TAF12: variants seen among roughly 807,000 people sequenced by gnomAD.
TAF12 encodes TATA-box binding protein associated factor 12.
Under a neutral mutation model 20.8 loss-of-function variants are expected in TAF12, and 3 were observed. That is an observed-to-expected ratio of 0.14 (90% CI 0.07 to 0.37). TAF12 has a LOEUF of 0.37. Ranked by LOEUF, TAF12 falls within the 10% of genes least tolerant of loss-of-function variation. TAF12 has a pLI of 1.00. For synonymous variants in TAF12, 69 were observed against 70.2 expected (o/e 0.98, Z 0.09); for missense variants, 131 against 197.9 (o/e 0.66, Z 2.03).
chr1:28,610,477 A>T (rs997840387), intron 4 of TAF12, among the ~76,000 whole-genome samples: 1 of 151,664 alleles, frequency 6.6e-6, no homozygotes, highest in Non-Finnish European at 1.5e-5. Context: ...ATCTTTTTTA[A>T]ATCTTTTAAA....
chr1:28,611,401 G>A (rs186423919), intron 4 of TAF12, among the ~76,000 whole-genome samples: 1 of 152,226 alleles, frequency 6.6e-6, no homozygotes, highest in African/African-American at 2.4e-5. Flanking sequence ...ATATGTTGCG[G>A]TCTTAACCTT....
intron 3 of TAF12, among the ~76,000 whole-genome samples, chr1:28,616,149 C>A (rs1667034212): frequency 6.6e-6 from 1 of 152,108 alleles, no homozygotes; most frequent in Non-Finnish European, 1.5e-5. Flanking sequence ...ATAATCCCAG[C>A]ACTGTGGGAG....
intron 2 of TAF12, 38 bp from the exon 3 acceptor site, chr1:28,618,068 T>G: frequency 6.4e-7 from 1 of 1,570,494 alleles, no homozygotes; most frequent in Non-Finnish European, 8.7e-7. Flanking sequence ...AACCAGATAT[T>G]AAGGAAATGA....
intron 1 of TAF12, among the ~76,000 whole-genome samples, chr1:28,639,426 CAA>C (rs58772752): frequency 2.5e-4 from 22 of 89,434 alleles, no homozygotes; most frequent in Admixed American, 3.6e-4. Context: ...CTCCGTCTCA[CAA>C]AAAAAAAAAA....
intron 4 of TAF12, among the ~76,000 whole-genome samples, chr1:28,611,210 C>T (rs886441604): frequency 1.5e-5 from 2 of 134,322 alleles, no homozygotes; most frequent in Admixed American, 7.5e-5. Context: ...TATAGAGAGA[C>T]GGTGGGTGGG....
intron 1 of TAF12, among the ~76,000 whole-genome samples, chr1:28,633,414 C>T (rs373879405): frequency 3.6e-4 from 52 of 145,114 alleles, no homozygotes; most frequent in South Asian, 1.3e-3. Flanking sequence ...GTGATCCACC[C>T]GCCTCAGCCT....
intron 4 of TAF12, among the ~76,000 whole-genome samples, chr1:28,609,449 A>G (rs1315205829): frequency 6.6e-6 from 1 of 151,934 alleles, no homozygotes; most frequent in Non-Finnish European, 1.5e-5. Context: ...TCAAAGCAAC[A>G]TTGTGCAAAG....
intron 1 of TAF12, chr1:28,642,623 A>G (rs1312442270): frequency 1.0e-6 from 1 of 983,628 alleles, no homozygotes; most frequent in Non-Finnish European, 1.2e-6. Context: ...TCTGCCTCTT[A>G]GGAGCCCAAG....
intron 4 of TAF12, among the ~76,000 whole-genome samples, chr1:28,610,040 G>T (rs533852539): frequency 2.2e-4 from 33 of 151,838 alleles, no homozygotes; most frequent in South Asian, 8.3e-4. Context: ...GCAGTGGCAA[G>T]ATCTTGGCTC....
chr1:28,603,447 A>C lies in TAF12; in HGVS notation c.*92T>G. ...AAAAATATATGCTTCTCTGTAAAGC[A>C]TTAAAAAAAAAAATCCAAGGATGAG... is the stretch of plus-strand genomic sequence containing the variant. On this transcript the variant is annotated 3_prime_UTR_variant, in exon 6 of 6. Coordinates refer to ENST00000373824, the MANE Select transcript of TAF12 (RefSeq NM_005644.4). 2 of 1,345,038 alleles carry C rather than the reference A, an allele frequency of 1.5e-6. No individual in the cohort carries two copies. Among genetic ancestry groups the C allele is most frequent in the Non-Finnish European group, 2.1e-6 (2 of 942,680 alleles). The allele number at this position is 1,345,038 out of a possible 1,614,324, so 83.3% of individuals were successfully genotyped here.
At position 28,631,177 on chromosome 1, in the gene TAF12, A is replaced by T. The variant is rs546733992; in HGVS notation, c.-84-9012T>A. Among the ~76,000 whole-genome samples, 16 of 150,568 alleles carry T rather than the reference A, an allele frequency of 1.1e-4. No individual in the cohort carries two copies. The South Asian group carries it at 1.3e-3, about 12-fold the overall frequency. ...GCAAAGGCTTGTGGGGGAGGAAAAA[A>T]TTTTTTTTTTCAAAATTCAACAATA... On this transcript the variant is annotated intron_variant, in intron 1 of 5. Transcript: ENST00000373824.
intron 4 of TAF12, among the ~76,000 whole-genome samples, chr1:28,607,319 C>G (rs1053750317): frequency 1.3e-5 from 2 of 152,012 alleles, no homozygotes; most frequent in Non-Finnish European, 2.9e-5. Flanking sequence ...ACTGCTTGAG[C>G]CCAGGAGTTC....
chr1:28,641,127 T>C (rs1668015163), intron 1 of TAF12, among the ~76,000 whole-genome samples: 1 of 152,060 alleles, frequency 6.6e-6, no homozygotes, highest in African/African-American at 2.4e-5. Context: ...ACTGTATTAA[T>C]GTCAATACAG....
rs4252960 is a variant in TAF12 at position 28,642,564 on chromosome 1, G to GC, written c.-85+427dup. 14 of 883,902 alleles carry GC rather than the reference G, an allele frequency of 1.6e-5. No homozygotes were observed. The South Asian group carries it at 6.7e-4, about 42-fold the overall frequency. The allele number at this position is 883,902 out of a possible 1,614,324, so 54.8% of individuals were successfully genotyped here. On this transcript the variant is annotated intron_variant, in intron 1 of 5. Coordinates refer to ENST00000373824, the MANE Select transcript of TAF12 (RefSeq NM_005644.4). ...CTGCCCCTCAGGAACCTAAGTCTTC[G>GC]CTGCCCCGTTTCTGAATCCTTAGGA...
intron 4 of TAF12, among the ~76,000 whole-genome samples, chr1:28,608,609 G>A (rs1236672184): frequency 6.6e-6 from 1 of 151,754 alleles, no homozygotes; most frequent in East Asian, 1.9e-4. Flanking sequence ...CAAAAAATTA[G>A]CCAGGCGTGG....
chr1:28,613,267 T>G lies in TAF12; in HGVS notation c.341A>C (p.Lys114Thr), dbSNP rs1419173479. The change falls in exon 4 of 6, where the codon AAA becomes ACA. Residue 114 changes from lysine to threonine, a missense_variant. This residue lies in a region of TAF12 where 60 missense variants were observed against 90.2 expected (regional missense o/e 0.66). Coordinates refer to ENST00000373824, the MANE Select transcript of TAF12 (RefSeq NM_005644.4). The part of the protein sequence containing the change: ...RHRKSSTLEV[K>T]DVQLHLERQW... ...CATACCTAAATGCAGCTGGACATCT[T>G]TCACCTCCAGGGTGCTAGACTTGCG... 6.2e-7 allele frequency: 1 copy of G among 1,610,048 alleles called. No homozygotes were observed. The highest frequency in any genetic ancestry group is 2.2e-5 in the East Asian group (1 of 44,814).
At chr1:28,627,930 T>C (rs927580017) in intron 1 of TAF12, among the ~76,000 whole-genome samples, 1 of 152,048 alleles carries the variant, frequency 6.6e-6, no homozygotes, top group African/African-American at 2.4e-5. Context: ...AACTATTTCT[T>C]GATATGGCAA....
intron 1 of TAF12, among the ~76,000 whole-genome samples, chr1:28,629,693 T>C (rs1013539122): frequency 6.6e-6 from 1 of 152,058 alleles, no homozygotes; most frequent in Non-Finnish European, 1.5e-5. Flanking sequence ...CAGGCTGGAG[T>C]GCAGTGGTGA....
intron 1 of TAF12, among the ~76,000 whole-genome samples, chr1:28,636,015 C>T (rs934866249): frequency 2.6e-5 from 4 of 152,110 alleles, no homozygotes; most frequent in Admixed American, 6.6e-5. Context: ...GGTTTTTCTA[C>T]CTGGCTGTTT....
Sources: gnomAD v4.1 joint callset for allele counts (sites outside exome capture counted in the v4.1 genomes callset) on GRCh38, gnomAD v4.1.1 for gene constraint, gnomAD v4.1.1 regional missense constraint, MANE v1.5 for transcripts, NCBI Gene and HGNC (gene_info 2026-07-23, HGNC 2026-07-21) for gene names.